Variants in WNK3 observed in about 807,000 individuals in gnomAD.
The protein encoded by WNK3 is serine/threonine-protein kinase WNK3.
Under a neutral mutation model 116.7 loss-of-function variants are expected in WNK3, and 18 were observed. The ratio of observed to expected loss-of-function variants is 0.15; its 90% CI spans 0.11 to 0.23. The LOEUF is 0.23. Ranked by LOEUF, WNK3 falls within the 10% of genes least tolerant of loss-of-function variation. The pLI is 1.00. For synonymous variants in WNK3, 404 were observed against 469.4 expected, an observed-to-expected ratio of 0.86 and a Z score of 1.80; for missense variants, 993 against 1,323.8, an observed-to-expected ratio of 0.75 and a Z score of 3.88.
At chrX:54,239,396 A>G (rs782610908) in intron 17 of WNK3, among the ~76,000 whole-genome samples, 5 of 111,061 alleles carry the variant, frequency 4.5e-5, no homozygotes, top group Admixed American at 3.9e-4. Flanking sequence ...CTTCTACCCC[A>G]GAATATTTTT....
At chrX:54,223,536 T>C (rs1332897714) in intron 22 of WNK3, 1 of 115,117 alleles carries the variant, frequency 8.7e-6, no homozygotes, top group African/African-American at 3.2e-5. Context: ...ATATATCTTC[T>C]AAAAGCAGCT....
intron 1 of WNK3, among the ~76,000 whole-genome samples, chrX:54,341,987 G>A (rs2069332056): frequency 8.9e-6 from 1 of 112,223 alleles, no homozygotes; most frequent in Non-Finnish European, 1.9e-5. Flanking sequence ...AGGGCCAGTG[G>A]CTAACACCTG....
At position 54,246,845 on chromosome X, in the gene WNK3, C is replaced by T. The variant is rs1359614775; in HGVS notation, c.3651+1852G>A. On this transcript the variant is annotated intron_variant, in intron 17 of 23. Transcript: ENST00000354646. ...ATAGTGCAGATACAGAACATTTCCA[C>T]GTTGTAAAAAGTACAAGAGCATTGC... Among the ~76,000 whole-genome samples the T allele has an allele frequency of 4.5e-5, 5 of 111,792 alleles. No homozygotes were observed. In the Middle Eastern group the frequency reaches 0.018, roughly 408 times the overall value.
intron 22 of WNK3, among the ~76,000 whole-genome samples, chrX:54,208,723 C>G (rs1157142964): frequency 8.9e-6 from 1 of 112,019 alleles, no homozygotes; most frequent in Non-Finnish European, 1.9e-5. Flanking sequence ...AGACCACCCA[C>G]ACATTCAGTG....
At chrX:54,260,323 A>G (rs1736578688) in intron 10 of WNK3, among the ~76,000 whole-genome samples, 1 of 112,060 alleles carries the variant, frequency 8.9e-6, no homozygotes. Flanking sequence ...ATTTCGGCAA[A>G]TAGTGTTTTT....
At chrX:54,305,562 T>C (rs782447982) in intron 5 of WNK3, among the ~76,000 whole-genome samples, 3 of 111,560 alleles carry the variant, frequency 2.7e-5, no homozygotes, top group Non-Finnish European at 3.8e-5. Context: ...AGGTCATTTG[T>C]CCTACAGAAT....
chrX:54,209,385 T>C (rs2067588204), intron 22 of WNK3, among the ~76,000 whole-genome samples: 1 of 101,743 alleles, frequency 9.8e-6, no homozygotes, highest in African/African-American at 3.6e-5. Context: ...ACCACACCAC[T>C]GCACCCCAGC....
chrX:54,326,122 G>C (rs2069100967), intron 2 of WNK3, among the ~76,000 whole-genome samples: 2 of 103,447 alleles, frequency 1.9e-5, no homozygotes, highest in African/African-American at 7.1e-5. Context: ...ATGAAGTCTC[G>C]CTCTGTTGCC....
intron 1 of WNK3, among the ~76,000 whole-genome samples, chrX:54,338,196 C>A (rs782313042): frequency 1.4e-4 from 15 of 110,454 alleles, no homozygotes; most frequent in Non-Finnish European, 2.3e-4. Flanking sequence ...CAGGGCAGGC[C>A]GGTTACCTGA....
chrX:54,251,703 T>C lies in WNK3; in HGVS notation c.2368-16A>G. 1 of 1,201,207 alleles carries C rather than the reference T, an allele frequency of 8.3e-7. No individual in the cohort carries two copies. Among genetic ancestry groups the C allele is most frequent in the Non-Finnish European group, 1.1e-6 (1 of 889,286 alleles). On this transcript the variant is annotated splice_polypyrimidine_tract_variant and intron_variant, in intron 13 of 23. Coordinates refer to ENST00000354646, the Ensembl canonical transcript of WNK3. ...TATCTTCAACCTGCCCAAAAGTAAG[T>C]CTATTCATGAGAATGAATTCAGTTT...
intron 10 of WNK3, among the ~76,000 whole-genome samples, chrX:54,275,011 A>T (rs1205611118): frequency 2.1e-4 from 18 of 85,039 alleles, no homozygotes; most frequent in African/African-American, 1.1e-3. Flanking sequence ...ACCCTGTCAC[A>T]TAAAAAAAAA....
At chrX:54,301,317 G>C (rs922125591) in intron 6 of WNK3, among the ~76,000 whole-genome samples, 2 of 109,960 alleles carry the variant, frequency 1.8e-5, no homozygotes, top group African/African-American at 6.6e-5. Flanking sequence ...AAGAGTAATG[G>C]GAGTTGTCTA....
rs782314284 is a variant in WNK3, at chrX:54,264,665, A to T, written c.2038-5327T>A. On this transcript the variant is annotated intron_variant, in intron 10 of 23. Coordinates refer to ENST00000354646, the Ensembl canonical transcript of WNK3. The stretch of plus-strand genomic sequence containing the variant: ...TAGGAACTAGGAAGAAGTTCCATTA[A>T]CTGTAAGGCAGATAGAACTGAATTG... Among the ~76,000 whole-genome samples, 31 of 111,068 alleles carry T rather than the reference A, an allele frequency of 2.8e-4. 1 individual carries two copies. The highest frequency in any genetic ancestry group is 1.5e-4 in the Non-Finnish European group (8 of 53,046).
intron 10 of WNK3, among the ~76,000 whole-genome samples, chrX:54,288,062 T>A (rs2068599406): frequency 8.9e-6 from 1 of 111,842 alleles, no homozygotes; most frequent in African/African-American, 3.3e-5. Context: ...GTGGCTCTGA[T>A]GACCCAGAAA....
chrX:54,199,077 T>TA (rs1204984630), intron 23 of WNK3, among the ~76,000 whole-genome samples: 1 of 111,366 alleles, frequency 9.0e-6, no homozygotes, highest in Non-Finnish European at 1.9e-5. Context: ...ACCTGATTTT[T>TA]AAAAAAAGAC....
At chrX:54,318,277 T>C (rs1335283977) in intron 2 of WNK3, among the ~76,000 whole-genome samples, 1 of 108,486 alleles carries the variant, frequency 9.2e-6, no homozygotes, top group East Asian at 2.9e-4. Flanking sequence ...TGAGAATTGC[T>C]TGAACCCAGG....
At chrX:54,233,503 AG>A (rs1265625583) in intron 20 of WNK3, among the ~76,000 whole-genome samples, 7 of 107,026 alleles carry the variant, frequency 6.5e-5, no homozygotes, top group Non-Finnish European at 1.2e-4. Flanking sequence ...GAAGGAAGGA[AG>A]GAAGGAGGAA....
intron 4 of WNK3, 27 bp downstream of exon 4, chrX:54,309,068 A>G: frequency 8.6e-7 from 1 of 1,169,185 alleles, no homozygotes; most frequent in Non-Finnish European, 1.2e-6. Flanking sequence ...TCTTTACCCA[A>G]CCAGTAAACT....
At chrX:54,341,376 G>A (rs1176800245) in intron 1 of WNK3, among the ~76,000 whole-genome samples, 6 of 109,209 alleles carry the variant, frequency 5.5e-5, no homozygotes, top group African/African-American at 1.7e-4. Context: ...CAACCTGGGC[G>A]AAAGAGTGAA....
Sources: gnomAD v4.1 joint callset for allele counts (sites outside exome capture counted in the v4.1 genomes callset) on GRCh38, gnomAD v4.1.1 for gene constraint, MANE v1.5 for transcripts, NCBI Gene and HGNC (gene_info 2026-07-23, HGNC 2026-07-21) for gene names.